ERAP1: variants seen among roughly 807,000 people sequenced by gnomAD.
ERAP1 encodes the protein adipocyte-derived leucine aminopeptidase.
Under a neutral mutation model 103.7 loss-of-function variants are expected in ERAP1, and 86 were observed. The observed-to-expected ratio is 0.83, with a 90% confidence interval of 0.70 to 0.99. The LOEUF (loss-of-function observed/expected upper bound fraction) is 0.99, where lower values mean the gene tolerates loss of function less well. Among genes scored for constraint, ERAP1 ranks in the 50% least tolerant of loss-of-function variants. The probability of loss-of-function intolerance (pLI) is 0.00; values close to 1 mark genes in which losing one functional copy is unlikely to be tolerated. For synonymous variants in ERAP1, 398 were observed against 402.4 expected (o/e 0.99, Z 0.13); for missense variants, 1,009 against 1,128.4 (o/e 0.89, Z 1.52).
intron 19 of ERAP1, among the ~76,000 whole-genome samples, chr5:96,764,519 A>G (rs573536804): frequency 2.4e-4 from 36 of 152,220 alleles, no homozygotes; most frequent in Non-Finnish European, 5.0e-4. Context: ...CCACCAGTTC[A>G]GAAATTCTCT....
At chr5:96,814,277 A>G in the ERAP1 span, 10 of 456,260 alleles carry the variant, frequency 2.2e-5, no homozygotes, top group South Asian at 1.1e-4. Context: ...GCCATATCCT[A>G]TGGGTTAGAA....
intron 12 of ERAP1, among the ~76,000 whole-genome samples, chr5:96,786,248 A>G (rs1267453831): frequency 5.9e-5 from 9 of 152,256 alleles, no homozygotes; most frequent in Non-Finnish European, 1.2e-4. Context: ...TTAACAAAGT[A>G]ATAGTGAATG....
the ERAP1 span, among the ~76,000 whole-genome samples, chr5:96,895,677 C>G: frequency 3.3e-5 from 5 of 152,164 alleles, no homozygotes; most frequent in African/African-American, 1.2e-4. Context: ...CTCATGGCTA[C>G]TAGGTACTAT....
chr5:96,803,357 C>A (rs764852798), intron 2 of ERAP1, 46 bp downstream of exon 2: 1 of 1,538,054 alleles, frequency 6.5e-7, no homozygotes, highest in South Asian at 1.2e-5. Flanking sequence ...ATGAATTTAG[C>A]GTGGGCAGCA....
chr5:96,801,052 TA>T, intron 2 of ERAP1, 52 bp from the exon 3 acceptor site: 1 of 1,598,354 alleles, frequency 6.3e-7, no homozygotes, highest in Non-Finnish European at 8.6e-7. Flanking sequence ...CCAGGAACTC[TA>T]AAACAGGTGT....
chr5:96,892,524 C>G, the ERAP1 span: 1 of 1,559,996 alleles, frequency 6.4e-7, no homozygotes, highest in South Asian at 1.1e-5. Context: ...ACCAATCTTC[C>G]TGAAACAAAA....
At chr5:96,794,367 T>C (rs1777110576) in intron 5 of ERAP1, among the ~76,000 whole-genome samples, 1 of 151,974 alleles carries the variant, frequency 6.6e-6, no homozygotes, top group Admixed American at 6.6e-5. Flanking sequence ...ATTTTTGTAC[T>C]TTTGTGGAAA....
At chr5:96,790,907 A>G (rs1350368799) in intron 8 of ERAP1, among the ~76,000 whole-genome samples, 3 of 152,210 alleles carry the variant, frequency 2.0e-5, no homozygotes, top group Admixed American at 6.5e-5. Context: ...GGGGCAAATT[A>G]GCATCATCTG....
the ERAP1 span, among the ~76,000 whole-genome samples, chr5:96,844,552 A>C: frequency 2.0e-5 from 3 of 152,234 alleles, no homozygotes; most frequent in Non-Finnish European, 4.4e-5. Flanking sequence ...TTTTACTTTG[A>C]GGAAGTTTAT....
the ERAP1 span, chr5:96,873,571 T>A: frequency 2.3e-6 from 1 of 434,504 alleles, no homozygotes; most frequent in East Asian, 7.1e-5. Context: ...ACACTCTAGG[T>A]CAATGGAGAG....
At chr5:96,906,752 T>A in the ERAP1 span, among the ~76,000 whole-genome samples, 1 of 152,140 alleles carries the variant, frequency 6.6e-6, no homozygotes, top group African/African-American at 2.4e-5. Flanking sequence ...AAACCCCACA[T>A]TGGGCGCAGT....
chr5:96,782,105 G>C (rs1290751172), intron 15 of ERAP1, among the ~76,000 whole-genome samples: 3 of 151,350 alleles, frequency 2.0e-5, no homozygotes, highest in African/African-American at 7.3e-5. Context: ...CGCCCTCCCG[G>C]GTTCACGCCA....
chr5:96,840,004 C>T, the ERAP1 span, among the ~76,000 whole-genome samples: 1 of 152,186 alleles, frequency 6.6e-6, no homozygotes, highest in Admixed American at 6.5e-5. Context: ...TATTGCTTGT[C>T]TCCTCTGCTA....
rs1774248024 is a variant in ERAP1 at position 96,776,118 on chromosome 5, T to C, written c.*278A>G. On this transcript the variant is annotated 3_prime_UTR_variant, in exon 19 of 19. Coordinates refer to ENST00000443439, the MANE Select transcript of ERAP1 (RefSeq NM_001040458.3). ...GACACGGGTGCTTAAGCATAAACTATAAAATGAGAAGAATAAGGTACTTTA... is the reference window on the plus strand; with the variant it reads ...GACACGGGTGCTTAAGCATAAACTACAAAATGAGAAGAATAAGGTACTTTA... 2 of 1,391,422 alleles carry C rather than the reference T, an allele frequency of 1.4e-6. No individual in the cohort carries two copies. The highest frequency in any genetic ancestry group is 1.3e-5 in the South Asian group (1 of 79,180). The allele number at this position is 1,391,422 out of a possible 1,614,324, so 86.2% of individuals were successfully genotyped here.
At chr5:96,832,848 T>A in the ERAP1 span, among the ~76,000 whole-genome samples, 8 of 152,202 alleles carry the variant, frequency 5.3e-5, no homozygotes, top group African/African-American at 1.9e-4. Flanking sequence ...AATGTTTGTG[T>A]CTCCTGAAAA....
At chr5:96,779,489 G>A (rs149078) in intron 18 of ERAP1, 50,831 of 151,994 alleles carry the variant, frequency 0.33, 8,882 homozygotes, top group African/African-American at 0.44. Context: ...AAAAAGCTAC[G>A]AGACTGTAAC....
At chr5:96,873,462 T>C in the ERAP1 span, 13 of 454,084 alleles carry the variant, frequency 2.9e-5, no homozygotes, top group Admixed American at 1.9e-4. Flanking sequence ...AGTTTGGGAC[T>C]GGAAAGGAAG....
At chr5:96,891,623 G>C in the ERAP1 span, among the ~76,000 whole-genome samples, 1 of 151,436 alleles carries the variant, frequency 6.6e-6, no homozygotes, top group East Asian at 1.9e-4. Flanking sequence ...TTATACCTGA[G>C]TTGTTTAAAT....
intron 19 of ERAP1, chr5:96,769,351 A>G (rs1355298161): frequency 6.9e-6 from 1 of 144,014 alleles, no homozygotes; most frequent in African/African-American, 2.6e-5. Flanking sequence ...GTTGTTTCCC[A>G]TTGTTCATTT....
Sources: allele counts gnomAD v4.1 joint callset (sites outside exome capture counted in the v4.1 genomes callset), GRCh38; gene constraint gnomAD v4.1.1; transcripts MANE v1.5; gene names NCBI Gene and HGNC (gene_info 2026-07-23, HGNC 2026-07-21).